DENND4A: variants seen among roughly 807,000 people sequenced by gnomAD.
DENND4A encodes the protein C-myc promoter-binding protein.
Under a neutral mutation model 199.3 loss-of-function variants are expected in DENND4A, and 70 were observed. The observed-to-expected ratio is 0.35, with a 90% confidence interval of 0.29 to 0.43. The LOEUF is 0.43. DENND4A is among the 20% of genes least tolerant of loss of function. The probability of loss-of-function intolerance (pLI) is 1.00; values close to 1 mark genes in which losing one functional copy is unlikely to be tolerated. For missense variants in DENND4A, 1,723 were observed against 2,255.8 expected (o/e 0.76, Z 4.78); for synonymous variants, 686 against 766.9 (o/e 0.89, Z 1.74).
rs754336159 is a variant in DENND4A, at chr15:65,667,694, C to A, written c.4996G>T (p.Gly1666Cys). ...GGACTTGGAAGGTGCCATTCTAAAC[C>A]TAAAGAATCCTGTTGAATAAATAAA... ...ATLQGATDSL[G>C]LEWHLPSPDP... Residue 1666 changes from glycine (G) to cysteine (C), a missense_variant, in exon 29 of 33, where the codon GGT becomes TGT. Transcript: ENST00000443035. 2.5e-6 allele frequency: 4 copies of A among 1,610,122 alleles called. No homozygotes were observed. In the African/African-American group the frequency reaches 5.4e-5, roughly 22 times the overall value.
intron 23 of DENND4A, chr15:65,681,079 G>A (rs1314635360): frequency 6.6e-6 from 1 of 152,168 alleles, no homozygotes; most frequent in African/African-American, 2.4e-5. Context: ...GATGCTGTCT[G>A]ACAACTTTCT....
chr15:65,731,388 TACAC>T (rs532310844), intron 9 of DENND4A: 14 of 501,022 alleles, frequency 2.8e-5, no homozygotes, highest in Admixed American at 9.2e-5. Flanking sequence ...CATACATAAA[TACAC>T]ACACACACAC....
In DENND4A at chr15:65,677,238, G is replaced by T. The variant is rs1287100456; in HGVS notation, c.4180-604C>A. Among the ~76,000 whole-genome samples the T allele has an allele frequency of 3.3e-5, 5 of 152,126 alleles. No individual in the cohort carries two copies. In the East Asian group the frequency reaches 9.6e-4, roughly 29 times the overall value. On this transcript the variant is annotated intron_variant, in intron 23 of 32. Coordinates refer to ENST00000443035, the MANE Select transcript of DENND4A (RefSeq NM_001320835.1). ...GGCAAAAATTTTTTTTTGAGACAGGGTCCACTCTGCTTTCCAGGCTGGAGT... is the reference window on the plus strand; with the variant it reads ...GGCAAAAATTTTTTTTTGAGACAGGTTCCACTCTGCTTTCCAGGCTGGAGT...
At chr15:65,785,370 G>A (rs377184344) in intron 1 of DENND4A, among the ~76,000 whole-genome samples, 1 of 150,320 alleles carries the variant, frequency 6.7e-6, no homozygotes, top group Non-Finnish European at 1.5e-5. Context: ...TGTGCCTGTA[G>A]TACCAGCTAC....
chr15:65,738,957 T>C (rs2076180728), intron 5 of DENND4A, 82 bp from the exon 6 acceptor site: 1 of 1,076,168 alleles, frequency 9.3e-7, no homozygotes, highest in African/African-American at 1.6e-5. Context: ...AATGCTTTGT[T>C]ATTTCACACA....
chr15:65,694,084 T>C (rs1312739215), intron 22 of DENND4A, among the ~76,000 whole-genome samples: 3 of 152,150 alleles, frequency 2.0e-5, no homozygotes, highest in East Asian at 3.8e-4. Flanking sequence ...GAGAAACATC[T>C]CAGAATTAAA....
At chr15:65,779,713 G>A (rs369445384) in intron 1 of DENND4A, among the ~76,000 whole-genome samples, 2 of 151,938 alleles carry the variant, frequency 1.3e-5, no homozygotes, top group African/African-American at 2.4e-5. Context: ...GCAGTAGTGC[G>A]ATCTCAGCTC....
intron 32 of DENND4A, among the ~76,000 whole-genome samples, chr15:65,663,217 T>TTTTTTTTTTTTA (rs1566978904): frequency 6.9e-6 from 1 of 145,204 alleles, no homozygotes; most frequent in African/African-American, 2.6e-5. Flanking sequence ...TTTTTATTTT[T>TTTTTTTTTTTTA]TTTTTTGGTT....
At chr15:65,675,884 AT>A (rs2076358600) in intron 24 of DENND4A, among the ~76,000 whole-genome samples, 1 of 152,116 alleles carries the variant, frequency 6.6e-6, no homozygotes, top group African/African-American at 2.4e-5. Flanking sequence ...AAAATATAAC[AT>A]ATATGCATTA....
At chr15:65,663,966 A>G (rs1181165764) in intron 32 of DENND4A, among the ~76,000 whole-genome samples, 1 of 152,168 alleles carries the variant, frequency 6.6e-6, no homozygotes, top group Non-Finnish European at 1.5e-5. Context: ...TCAATTAAAT[A>G]ATTTTTCCTG....
At chr15:65,752,345 T>C (rs754923523) in intron 4 of DENND4A, 34 bp downstream of exon 4, 2 of 1,036,866 alleles carry the variant, frequency 1.9e-6, no homozygotes, top group East Asian at 7.1e-5. Flanking sequence ...TTTTCATCAG[T>C]GGTTAATGTT....
chr15:65,726,799 T>C (rs572083054), intron 11 of DENND4A, among the ~76,000 whole-genome samples: 10 of 151,718 alleles, frequency 6.6e-5, no homozygotes, highest in Non-Finnish European at 1.5e-4. Context: ...CTACTAAAAA[T>C]ACAAAAATTA....
chr15:65,690,927 G>A lies in DENND4A; in HGVS notation c.3667C>T (p.Gln1223Ter). 1 of 1,604,862 alleles carries A rather than the reference G, an allele frequency of 6.2e-7. No individual in the cohort carries two copies. Among genetic ancestry groups the A allele is most frequent in the Non-Finnish European group, 8.5e-7 (1 of 1,175,330 alleles). ...PLSLLVAETE[Q>*]QQKEEEEEDE... is the part of the protein sequence containing the mutation. ...TCCTCCTCTTCTTCTTTTTGCTGCT[G>A]TTCAGTCTCAGCAACCAAAAGAGAG... Residue 1223 changes from glutamine to a stop codon, truncating the protein, a stop_gained, in exon 23 of 33, where the codon CAG becomes TAG. Coordinates refer to ENST00000443035, the MANE Select transcript of DENND4A (RefSeq NM_001320835.1). LOFTEE classifies it high-confidence loss of function.
intron 23 of DENND4A, among the ~76,000 whole-genome samples, chr15:65,681,554 T>C (rs2076574120): frequency 6.6e-6 from 1 of 151,554 alleles, no homozygotes; most frequent in South Asian, 2.1e-4. Flanking sequence ...TCATTCAACT[T>C]GACTCCTTGA....
rs111483800 is a variant in DENND4A at position 65,671,245 on chromosome 15, T to A, written c.4464+547A>T. 4.0e-3 allele frequency among the ~76,000 whole-genome samples: 604 copies of A among 152,332 alleles called. 2 individuals carry two copies. The highest frequency in any genetic ancestry group is 6.2e-3 in the Non-Finnish European group (425 of 68,026). Reference sequence around the variant, plus strand: ...AAATGCTTTTGTAGGTTGATAAACCTTAAAGTAAGCATAGATCTGTCCTAA... The same window carrying A: ...AAATGCTTTTGTAGGTTGATAAACCATAAAGTAAGCATAGATCTGTCCTAA... On this transcript the variant is annotated intron_variant, in intron 25 of 32. Coordinates refer to ENST00000443035, the MANE Select transcript of DENND4A (RefSeq NM_001320835.1).
intron 2 of DENND4A, among the ~76,000 whole-genome samples, chr15:65,759,245 G>A (rs1276552298): frequency 6.6e-6 from 1 of 152,106 alleles, no homozygotes; most frequent in Non-Finnish European, 1.5e-5. Flanking sequence ...TTGGGAGGCC[G>A]AGGCGGGTGG....
At chr15:65,708,653 C>A (rs1482157359) in intron 14 of DENND4A, among the ~76,000 whole-genome samples, 1 of 150,838 alleles carries the variant, frequency 6.6e-6, no homozygotes, top group Non-Finnish European at 1.5e-5. Flanking sequence ...AAATCCAACA[C>A]CCACAGCAGG....
rs8039981 is a variant in DENND4A, at chr15:65,791,375, T to A, written c.-102+635A>T. On this transcript the variant is annotated intron_variant, in intron 1 of 32. Coordinates refer to ENST00000443035, the MANE Select transcript of DENND4A (RefSeq NM_001320835.1). ...CAATTTTAGGTCACAAGCTTTTTAC[T>A]GTTTTTCCTGCCCCCCACCTCCAGA... is the stretch of plus-strand genomic sequence containing the variant. Among the ~76,000 whole-genome samples, 1,146 of 152,328 alleles carry A rather than the reference T, an allele frequency of 7.5e-3. 15 individuals carry two copies. Among genetic ancestry groups the A allele is most frequent in the African/African-American group, 0.027 (1,102 of 41,570 alleles).
chr15:65,752,694 C>T lies in DENND4A; in HGVS notation c.312-66G>A, dbSNP rs566058510. On this transcript the variant is annotated intron_variant, in intron 3 of 32. Coordinates refer to ENST00000443035, the MANE Select transcript of DENND4A (RefSeq NM_001320835.1). ...AAATATGAAAAGTAATATTCTCAGGCATCATCAACTGATCCTTAAATGTAG... is the reference window on the plus strand; with the variant it reads ...AAATATGAAAAGTAATATTCTCAGGTATCATCAACTGATCCTTAAATGTAG... 31 of 1,026,662 alleles carry T rather than the reference C, an allele frequency of 3.0e-5. No individual in the cohort carries two copies. In the South Asian group the frequency reaches 5.4e-4, roughly 18 times the overall value. 63.6% of individuals were successfully genotyped at this position (1,026,662 alleles called of 1,614,324 possible).
Sources: gnomAD v4.1 joint callset for allele counts (sites outside exome capture counted in the v4.1 genomes callset) on GRCh38, gnomAD v4.1.1 for gene constraint, MANE v1.5 for transcripts, NCBI Gene and HGNC (gene_info 2026-07-23, HGNC 2026-07-21) for gene names.